Variants in GPC3 observed in about 807,000 individuals in gnomAD.
The protein encoded by GPC3 is glypican-3.
A neutral mutation model predicts 34.4 loss-of-function variants in GPC3; 3 were observed. The ratio of observed to expected loss-of-function variants is 0.09; its 90% CI spans 0.04 to 0.23. The LOEUF (loss-of-function observed/expected upper bound fraction) is 0.23, where lower values mean the gene tolerates loss of function less well. Among genes scored for constraint, GPC3 ranks in the 10% least tolerant of loss-of-function variants. GPC3 has a pLI of 1.00. For missense variants in GPC3, 351 were observed against 445.6 expected (o/e 0.79, Z 1.91); for synonymous variants, 177 against 174.0 (o/e 1.02, Z -0.13).
intron 7 of GPC3, among the ~76,000 whole-genome samples, chrX:133,584,020 T>C (rs1315268114): frequency 9.0e-6 from 1 of 111,711 alleles, no homozygotes; most frequent in Non-Finnish European, 1.9e-5. Context: ...ATGTTTCACA[T>C]GCCGTGCCTT....
intron 1 of GPC3, among the ~76,000 whole-genome samples, chrX:133,966,573 C>T (rs922883808): frequency 1.8e-5 from 2 of 112,377 alleles, no homozygotes; most frequent in African/African-American, 6.5e-5. Flanking sequence ...TATATCTTTC[C>T]CCTTTCCCTA....
chrX:133,647,181 C>CCA (rs1297425178), intron 6 of GPC3, among the ~76,000 whole-genome samples: 3 of 112,458 alleles, frequency 2.7e-5, no homozygotes, highest in Non-Finnish European at 5.6e-5. Flanking sequence ...TTCACCCTGT[C>CCA]CACACAGCTC....
chrX:133,834,124 T>C (rs1036315526), intron 2 of GPC3, among the ~76,000 whole-genome samples: 4 of 112,512 alleles, frequency 3.6e-5, no homozygotes, highest in Non-Finnish European at 7.5e-5. Context: ...TTAACCAGTC[T>C]TTTCTTGATT....
At chrX:133,785,490 T>TA (rs1365526230) in intron 2 of GPC3, among the ~76,000 whole-genome samples, 1 of 111,756 alleles carries the variant, frequency 8.9e-6, no homozygotes, top group Non-Finnish European at 1.9e-5. Context: ...GATAAGTAGG[T>TA]AGATAGCTAG....
chrX:133,966,968 C>A (rs1161618356), intron 1 of GPC3, among the ~76,000 whole-genome samples: 1 of 111,895 alleles, frequency 8.9e-6, no homozygotes, highest in Non-Finnish European at 1.9e-5. Flanking sequence ...TTACTAAAGT[C>A]TAGACTTGGT....
chrX:133,808,397 C>T (rs2075646996), intron 2 of GPC3, among the ~76,000 whole-genome samples: 1 of 112,034 alleles, frequency 8.9e-6, no homozygotes, highest in African/African-American at 3.2e-5. Context: ...GGGGTTATCC[C>T]ATCCCAAAAT....
chrX:133,779,646 G>T (rs1435932014), intron 2 of GPC3, among the ~76,000 whole-genome samples: 1 of 111,355 alleles, frequency 9.0e-6, no homozygotes, highest in Non-Finnish European at 1.9e-5. Flanking sequence ...GCTATGAGAT[G>T]TTCATTCCAT....
chrX:133,642,772 CAA>C (rs375514321), intron 6 of GPC3, among the ~76,000 whole-genome samples: 5 of 25,805 alleles, frequency 1.9e-4, no homozygotes, highest in Non-Finnish European at 3.0e-4. Context: ...AACTACGTCT[CAA>C]AAAAAAAAAA....
At chrX:133,649,750 T>C (rs1479381949) in intron 6 of GPC3, among the ~76,000 whole-genome samples, 1 of 111,421 alleles carries the variant, frequency 9.0e-6, no homozygotes, top group Non-Finnish European at 1.9e-5. Flanking sequence ...CATTAATGAG[T>C]CTGGATTCCT....
At chrX:133,732,033 AG>A (rs1439846079) in intron 3 of GPC3, among the ~76,000 whole-genome samples, 1 of 112,189 alleles carries the variant, frequency 8.9e-6, no homozygotes, top group Non-Finnish European at 1.9e-5. Flanking sequence ...GACGTGAGAT[AG>A]GGTTTCTGGC....
intron 3 of GPC3, among the ~76,000 whole-genome samples, chrX:133,738,951 C>A (rs1317763133): frequency 1.8e-5 from 2 of 111,872 alleles, no homozygotes; most frequent in Non-Finnish European, 3.8e-5. Flanking sequence ...TGTTCAGAGA[C>A]ACAGCAATTT....
At chrX:133,717,472 G>A (rs1030284442) in intron 3 of GPC3, among the ~76,000 whole-genome samples, 1 of 111,468 alleles carries the variant, frequency 9.0e-6, no homozygotes, top group African/African-American at 3.3e-5. Context: ...AATTGGTTAT[G>A]TTATCTATAG....
At chrX:133,793,131 T>C (rs1182805248) in intron 2 of GPC3, among the ~76,000 whole-genome samples, 1 of 111,867 alleles carries the variant, frequency 8.9e-6, no homozygotes, top group East Asian at 2.8e-4. Flanking sequence ...ACAAGTTGCT[T>C]ATTTGCTGCT....
At chrX:133,981,121 A>C (rs1026939388) in intron 1 of GPC3, among the ~76,000 whole-genome samples, 7 of 112,222 alleles carry the variant, frequency 6.2e-5, no homozygotes, top group Admixed American at 3.8e-4. Flanking sequence ...CTATTAAGAG[A>C]CTTCTCCCTA....
At chrX:133,610,179 G>A (rs769730966) in intron 6 of GPC3, among the ~76,000 whole-genome samples, 1 of 111,826 alleles carries the variant, frequency 8.9e-6, no homozygotes, top group Admixed American at 9.5e-5. Context: ...GCTAGGTATA[G>A]TTTGGTAGAG....
chrX:133,978,752 A>G (rs1269226735), intron 1 of GPC3, among the ~76,000 whole-genome samples: 6 of 112,332 alleles, frequency 5.3e-5, no homozygotes, highest in Non-Finnish European at 1.1e-4. Flanking sequence ...TTGAGTACCT[A>G]TTATTTGTAC....
intron 6 of GPC3, among the ~76,000 whole-genome samples, chrX:133,639,070 C>T (rs181689972): frequency 4.5e-5 from 5 of 111,362 alleles, no homozygotes; most frequent in East Asian, 2.8e-4. Context: ...CAGAATTCAC[C>T]GCACACATCT....
intron 2 of GPC3, among the ~76,000 whole-genome samples, chrX:133,788,653 G>A (rs1266269968): frequency 9.3e-6 from 1 of 107,905 alleles, no homozygotes; most frequent in East Asian, 3.0e-4. Context: ...TGGGCAAATT[G>A]CTTTTGATGC....
intron 2 of GPC3, among the ~76,000 whole-genome samples, chrX:133,760,970 A>AT (rs1395109282): frequency 0.048 from 5,204 of 108,379 alleles, 341 homozygotes; most frequent in African/African-American, 0.16. Flanking sequence ...AATCTTTTAA[A>AT]TTTTTTTTTT....
Sources: gnomAD v4.1 joint callset for allele counts (sites outside exome capture counted in the v4.1 genomes callset) on GRCh38, gnomAD v4.1.1 for gene constraint, MANE v1.5 for transcripts, NCBI Gene and HGNC (gene_info 2026-07-23, HGNC 2026-07-21) for gene names.